Variants in CEP68 observed in about 807,000 individuals in gnomAD.
CEP68 encodes centrosomal protein 68, also known as centrosomal protein of 68 kDa.
CEP68 carries 26 observed loss-of-function variants against 55.3 expected under a neutral mutation model. That is an observed-to-expected ratio of 0.47 (90% CI 0.34 to 0.65). CEP68 has a LOEUF of 0.65. Among genes scored for constraint, CEP68 ranks in the 30% least tolerant of loss-of-function variants. The pLI, the probability that CEP68 is intolerant of heterozygous loss-of-function variation, is 0.01. For missense variants in CEP68, 957 were observed against 946.7 expected (o/e 1.01, Z -0.14); for synonymous variants, 402 against 383.2 (o/e 1.05, Z -0.57).
chr2:65,076,028 C>T lies in CEP68; in HGVS notation c.2007+1624C>T, dbSNP rs550819841. 7.3e-5 allele frequency among the ~76,000 whole-genome samples: 11 copies of T among 151,554 alleles called. No individual in the cohort carries two copies. In the South Asian group the frequency reaches 2.1e-3, roughly 29 times the overall value. ...CTCCACCCTACTGGGAATGCTGTTT[C>T]CTGCAGTGTGGAGAGAGGTTGCTTT... On this transcript the variant is annotated intron_variant, in intron 4 of 6. Transcript: ENST00000377990.
At chr2:65,057,809 T>C (rs571289075) in intron 1 of CEP68, among the ~76,000 whole-genome samples, 2 of 152,300 alleles carry the variant, frequency 1.3e-5, no homozygotes, top group African/African-American at 4.8e-5. Flanking sequence ...TCTGCCATGT[T>C]ACTAACTCTG....
chr2:65,076,001 T>C (rs1453781365), intron 4 of CEP68, among the ~76,000 whole-genome samples: 1 of 151,660 alleles, frequency 6.6e-6, no homozygotes, highest in South Asian at 2.1e-4. Flanking sequence ...CTGGGCCAGC[T>C]GCTCCACCCT....
chr2:65,074,461 C>A, intron 4 of CEP68, 57 bp downstream of exon 4: 2 of 1,611,634 alleles, frequency 1.2e-6, no homozygotes, highest in South Asian at 2.2e-5. Context: ...CTAAATTACT[C>A]GATTACAAAG....
chr2:65,059,218 G>C (rs1273396110), intron 1 of CEP68, among the ~76,000 whole-genome samples: 1 of 152,160 alleles, frequency 6.6e-6, no homozygotes, highest in East Asian at 1.9e-4. Flanking sequence ...CTTTAGACCT[G>C]TCTGCCAGCT....
intron 1 of CEP68, among the ~76,000 whole-genome samples, chr2:65,058,220 T>G (rs1417691999): frequency 2.0e-5 from 3 of 152,182 alleles, no homozygotes; most frequent in Non-Finnish European, 4.4e-5. Context: ...CGATCCCTTT[T>G]TTTGAGACAG....
chr2:65,078,474 G>A (rs1430088039), intron 5 of CEP68, among the ~76,000 whole-genome samples: 1 of 152,162 alleles, frequency 6.6e-6, no homozygotes, highest in Non-Finnish European at 1.5e-5. Context: ...GGAACAGATT[G>A]AATGAAGAAC....
intron 1 of CEP68, among the ~76,000 whole-genome samples, chr2:65,067,671 T>G (rs887306205): frequency 3.3e-5 from 5 of 152,192 alleles, no homozygotes; most frequent in Middle Eastern, 6.3e-3. Flanking sequence ...ATAGATGTTC[T>G]GCCTGCCCTG....
At chr2:65,074,137 G>GGA in intron 3 of CEP68, 145 bp from the exon 4 acceptor site, 1 of 861,496 alleles carries the variant, frequency 1.2e-6, no homozygotes, top group Non-Finnish European at 1.8e-6. Context: ...ACAGAGTCGT[G>GGA]GAGTCGGGAC....
At position 65,056,485 on chromosome 2, in the gene CEP68, T is replaced by A. The variant is rs1367963983; in HGVS notation, c.-90T>A. The A allele has an allele frequency of 6.6e-6, 1 of 152,374 alleles. No homozygotes were observed. The highest frequency in any genetic ancestry group is 1.5e-5 in the Non-Finnish European group (1 of 68,226). 9.4% of individuals were successfully genotyped at this position (152,374 alleles called of 1,614,324 possible). Reference sequence around the variant, plus strand: ...CCAGCTCGGGGCCAGCGCATGGGGCTGCTGAGACCGCTCCGGACGTGCGAA... The same window carrying A: ...CCAGCTCGGGGCCAGCGCATGGGGCAGCTGAGACCGCTCCGGACGTGCGAA... On this transcript the variant is annotated 5_prime_UTR_variant, in exon 1 of 7. Transcript: ENST00000377990.
rs1668877200 is a variant in CEP68, at chr2:65,082,517, C to A, written c.2105-19C>A. 1 of 1,510,386 alleles carries A rather than the reference C, an allele frequency of 6.6e-7. No individual in the cohort carries two copies. The highest frequency in any genetic ancestry group is 8.8e-7 in the Non-Finnish European group (1 of 1,131,976). 93.6% of individuals were successfully genotyped at this position (1,510,386 alleles called of 1,614,324 possible). On this transcript the variant is annotated intron_variant, in intron 5 of 6. Coordinates refer to ENST00000377990, the MANE Select transcript of CEP68 (RefSeq NM_015147.3). ...ATGGGTTTTATTTCTGGTTTAATTT[C>A]TTTGAACCTCATTGTTAGTTTTAGA... is the stretch of plus-strand genomic sequence containing the variant.
chr2:65,071,331 T>C (rs1333265424), intron 2 of CEP68, 123 bp from the exon 3 acceptor site: 1 of 773,344 alleles, frequency 1.3e-6, no homozygotes, highest in African/African-American at 1.7e-5. Context: ...GCAGCAGACT[T>C]TGCATTTTAA....
At chr2:65,074,458 A>G (rs750723976) in intron 4 of CEP68, 54 bp downstream of exon 4, 2 of 1,612,736 alleles carry the variant, frequency 1.2e-6, no homozygotes, top group African/African-American at 1.3e-5. Context: ...TGGCTAAATT[A>G]CTCGATTACA....
rs1222996796 is a variant in CEP68 at position 65,077,852 on chromosome 2, T to C, written c.2008-16T>C. Reference sequence around the variant, plus strand: ...TAACGAAGCTTCTGCCTTTTCTTTTTCTGATACGCCTTAAGCAATTTAAGA... The same window carrying C: ...TAACGAAGCTTCTGCCTTTTCTTTTCCTGATACGCCTTAAGCAATTTAAGA... On this transcript the variant is annotated splice_polypyrimidine_tract_variant and intron_variant, in intron 4 of 6. Transcript: ENST00000377990. 4 of 1,589,378 alleles carry C rather than the reference T, an allele frequency of 2.5e-6. No individual in the cohort carries two copies. The highest frequency in any genetic ancestry group is 3.5e-5 in the Admixed American group (2 of 56,700).
intron 4 of CEP68, among the ~76,000 whole-genome samples, chr2:65,076,433 GAGGCAT>G (rs1407206520): frequency 6.6e-6 from 1 of 152,198 alleles, no homozygotes; most frequent in East Asian, 1.9e-4. Context: ...GCAGGTCAGT[GAGGCAT>G]AGGCCTCTTG....
chr2:65,071,934 G>C lies in CEP68; in HGVS notation c.838G>C (p.Asp280His). 6.2e-7 allele frequency: 1 copy of C among 1,613,178 alleles called. No homozygotes were observed. The highest frequency in any genetic ancestry group is 8.5e-7 in the Non-Finnish European group (1 of 1,179,970). Residue 280 changes from aspartate to histidine, a missense_variant, in exon 3 of 7, where the codon GAT (aspartate) becomes CAT (histidine). By Grantham distance (81) the Asp-to-His change is moderately conservative. Coordinates refer to ENST00000377990, the MANE Select transcript of CEP68 (RefSeq NM_015147.3). ...TGAGTACTGGGCCTGTGTGCTGCCA[G>C]ATTCCCTGCCTCCATCACCCGACCG... ...QAEYWACVLP[D>H]SLPPSPDRHS...
chr2:65,070,160 A>G (rs1357504364), intron 2 of CEP68, among the ~76,000 whole-genome samples: 1 of 152,114 alleles, frequency 6.6e-6, no homozygotes, highest in Non-Finnish European at 1.5e-5. Context: ...CCCTGAAGAG[A>G]CTTGGGAAAG....
chr2:65,071,637 T>C lies in CEP68; in HGVS notation c.541T>C (p.Trp181Arg), dbSNP rs1300255210. The change falls in exon 3 of 7, where the codon TGG becomes CGG. Residue 181 changes from tryptophan to arginine, a missense_variant. Physicochemically the swap from Trp to Arg is moderately radical, Grantham distance 101 (BLOSUM62 -3). Coordinates refer to ENST00000377990, the MANE Select transcript of CEP68 (RefSeq NM_015147.3). ...HSSGLSCLSQ[W>R]KSVLSPGSAA... ...CTCAGGTCTCTCTTGCCTGTCACAG[T>C]GGAAGTCCGTGCTGAGCCCAGGTTC... 6.2e-7 allele frequency: 1 copy of C among 1,614,148 alleles called. No homozygotes were observed. Among genetic ancestry groups the C allele is most frequent in the Non-Finnish European group, 8.5e-7 (1 of 1,180,024 alleles).
chr2:65,078,401 T>C (rs562781716), intron 5 of CEP68, among the ~76,000 whole-genome samples: 4 of 152,242 alleles, frequency 2.6e-5, no homozygotes, highest in African/African-American at 7.2e-5. Flanking sequence ...TTTGGGGAAA[T>C]AGTTGTTTCA....
intron 1 of CEP68, among the ~76,000 whole-genome samples, chr2:65,066,743 A>ATATAT (rs1394424081): frequency 3.3e-4 from 29 of 88,798 alleles, no homozygotes; most frequent in African/African-American, 1.1e-3. Flanking sequence ...AAAAAAAAAA[A>ATATAT]AAATATATAT....
Sources: allele counts gnomAD v4.1 joint callset (sites outside exome capture counted in the v4.1 genomes callset), GRCh38; gene constraint gnomAD v4.1.1; transcripts MANE v1.5; gene names NCBI Gene and HGNC (gene_info 2026-07-23, HGNC 2026-07-21).